Variants in IKZF4 observed in about 807,000 individuals in gnomAD.
IKZF4 encodes IKAROS family zinc finger 4, also known as zinc finger protein Eos.
IKZF4 carries 11 observed loss-of-function variants against 47.7 expected under a neutral mutation model. The observed-to-expected ratio is 0.23, with a 90% CI of 0.15 to 0.38. The LOEUF (loss-of-function observed/expected upper bound fraction) is 0.38. Among genes scored for constraint, IKZF4 ranks in the 10% least tolerant of loss-of-function variants. The probability of loss-of-function intolerance (pLI) is 1.00; values close to 1 mark genes in which losing one functional copy is unlikely to be tolerated. For synonymous variants in IKZF4, 298 were observed against 299.4 expected (o/e 1.00, Z 0.05); for missense variants, 557 against 784.9 (o/e 0.71, Z 3.47).
rs771240033 is a variant in IKZF4 at position 56,023,743 on chromosome 12, A to C, written c.160A>C (p.Met54Leu). ...PQAQDSNHFI[M>L]ESLFCESSGD... ...GGCCCAAGACTCCAACCATTTTATA[A>C]TGGAATCTTTATTTTGTGAAAGTAA... Residue 54 changes from methionine (M) to leucine (L), a missense_variant, in exon 2 of 8, where the codon ATG becomes CTG. Physicochemically the swap from Met to Leu is conservative, Grantham distance 15. This residue lies in a region of IKZF4 where 112 missense variants were observed against 168.2 expected (regional missense o/e 0.67). Transcript: ENST00000547167. 1.9e-6 allele frequency: 3 copies of C among 1,613,842 alleles called. No individual in the cohort carries two copies. The highest frequency in any genetic ancestry group is 2.5e-6 in the Non-Finnish European group (3 of 1,179,804).
chr12:56,020,487 A>G (rs1892708977), upstream of IKZF4, among the ~76,000 whole-genome samples: 1 of 152,194 alleles, frequency 6.6e-6, no homozygotes, highest in African/African-American at 2.4e-5. Context: ...TTTAGTAGAA[A>G]GGGATTCAGG....
At chr12:56,020,049 C>A (rs940507825), upstream of IKZF4, among the ~76,000 whole-genome samples, 6 of 152,268 alleles carry the variant, frequency 3.9e-5, no homozygotes, top group Non-Finnish European at 7.3e-5. Context: ...TGACCCATCT[C>A]TCCTGGAAGA....
At chr12:56,023,972 CTCTTTA>C in intron 2 of IKZF4, 1 of 952,088 alleles carries the variant, frequency 1.1e-6, no homozygotes, top group Non-Finnish European at 1.3e-6. Context: ...TAGGTATGTT[CTCTTTA>C]TATGTATCTA....
upstream of IKZF4, among the ~76,000 whole-genome samples, chr12:56,020,529 C>T (rs1892714273): frequency 6.6e-6 from 1 of 152,226 alleles, no homozygotes; most frequent in Admixed American, 6.5e-5. Context: ...CAGCCCCTCC[C>T]ACCCCCAAAT....
intron 2 of IKZF4, among the ~76,000 whole-genome samples, chr12:56,014,429 C>G (rs907303150): frequency 1.3e-5 from 2 of 152,202 alleles, no homozygotes; most frequent in African/African-American, 4.8e-5. Flanking sequence ...TGGTATGCTT[C>G]ACCTGTTCTA....
intron 1 of IKZF4, chr12:56,021,896 C>G (rs1268782166): frequency 7.2e-6 from 3 of 418,320 alleles, no homozygotes; most frequent in East Asian, 4.4e-5. Flanking sequence ...CGAGACAGGC[C>G]TGGGTGGGAA....
At chr12:56,028,509 G>A (rs1277781397) in intron 5 of IKZF4, among the ~76,000 whole-genome samples, 1 of 133,218 alleles carries the variant, frequency 7.5e-6, no homozygotes, top group Admixed American at 8.3e-5. Context: ...CTCTAGCCTG[G>A]GCGACTGAGC....
At chr12:56,009,155 CAT>C (rs1453320162) in intron 1 of IKZF4, among the ~76,000 whole-genome samples, 2 of 152,244 alleles carry the variant, frequency 1.3e-5, no homozygotes, top group East Asian at 1.9e-4. Flanking sequence ...GACATGCTCA[CAT>C]GTCAGCTTTA....
chr12:56,019,384 G>C, upstream of IKZF4: 1 of 984,918 alleles, frequency 1.0e-6, no homozygotes, highest in Non-Finnish European at 1.2e-6. Flanking sequence ...ACACACATAT[G>C]AGAGTCATTG....
intron 1 of IKZF4, among the ~76,000 whole-genome samples, chr12:56,009,050 T>G (rs1891047667): frequency 1.3e-5 from 2 of 152,172 alleles, no homozygotes; most frequent in Non-Finnish European, 2.9e-5. Context: ...GTTGTTACTC[T>G]TGTCAACCCT....
intron 1 of IKZF4, 184 bp downstream of exon 1, chr12:56,021,764 C>G (rs1282815204): frequency 5.6e-6 from 5 of 892,142 alleles, no homozygotes; most frequent in Non-Finnish European, 8.3e-6. Flanking sequence ...CTTATACTTG[C>G]GGAGGATGGG....
intron 7 of IKZF4, among the ~76,000 whole-genome samples, chr12:56,034,196 C>T (rs896384370): frequency 3.3e-5 from 5 of 152,130 alleles, no homozygotes; most frequent in Middle Eastern, 3.2e-3. Flanking sequence ...CCACCGCGCC[C>T]GGCCCGGGCT....
rs1895512901 is a variant in IKZF4 at position 56,035,047 on chromosome 12, C to T, written c.1474C>T (p.Pro492Ser). The T allele has an allele frequency of 1.9e-6, 3 of 1,576,154 alleles. No homozygotes were observed. Among genetic ancestry groups the T allele is most frequent in the East Asian group, 2.2e-5 (1 of 44,670 alleles). Residue 492 changes from proline (P) to serine (S), a missense_variant, in exon 8 of 8, where the codon CCT becomes TCT. Transcript: ENST00000547167. This position sits in a 1 kb window ranked among gnomAD's most constrained non-coding sequence, Gnocchi z 6.1. ...CACCATTGTGGTGGGCCGGCACAGT[C>T]CTGCCTACGCCAAAGAGGACCCCAA... ...PPTIVVGRHS[P>S]AYAKEDPKPQ...
At position 56,034,640 on chromosome 12, in the gene IKZF4, A is replaced by T; in HGVS notation, c.1067A>T (p.Asp356Val). ...YDVNSGGYEK[D>V]VELVAHHSLE... ...GTGAACTCGGGTGGCTATGAAAAGG[A>T]TGTGGAGTTGGTGGCACACCACAGC... The change falls in exon 8 of 8, where the codon GAT becomes GTT. Residue 356 changes from aspartate (D) to valine (V), a missense_variant. Physicochemically the swap from Asp to Val is radical, Grantham distance 152. Coordinates refer to ENST00000547167, the MANE Select transcript of IKZF4 (RefSeq NM_022465.4). 1 of 1,613,994 alleles carries T rather than the reference A, an allele frequency of 6.2e-7. No individual in the cohort carries two copies. Among genetic ancestry groups the T allele is most frequent in the South Asian group, 1.1e-5 (1 of 91,080 alleles).
At chr12:56,007,823 AGG>A (rs1280416704) in intron 1 of IKZF4, 3 of 47,574 alleles carry the variant, frequency 6.3e-5, no homozygotes, top group Non-Finnish European at 1.6e-4. Context: ...GGCGTGAAGG[AGG>A]GGGGAGACGT....
chr12:56,035,111 C>G lies in IKZF4; in HGVS notation c.1538C>G (p.Ser513Cys), dbSNP rs925969670. 1 of 1,612,222 alleles carries G rather than the reference C, an allele frequency of 6.2e-7. No homozygotes were observed. Among genetic ancestry groups the G allele is most frequent in the Non-Finnish European group, 8.5e-7 (1 of 1,178,872 alleles). The change falls in exon 8 of 8, where the codon TCC becomes TGC. Residue 513 changes from serine (S) to cysteine (C), a missense_variant. By Grantham distance (112) the Ser-to-Cys change is moderately radical. Around this residue, in one of 6 missense-constraint regions of IKZF4, gnomAD observed 280 missense variants for 314.0 expected, o/e 0.89. Transcript: ENST00000547167. This position sits in a 1 kb window ranked among gnomAD's most constrained non-coding sequence, Gnocchi z 6.1. ...TTATTGCGGGGCACCCCAGGCCCCT[C>G]CAAGGAAGTGCTTCGGGTGGTGGGC... is the stretch of plus-strand genomic sequence containing the variant. ...EGLLRGTPGP[S>C]KEVLRVVGES...
chr12:56,016,183 C>T (rs1463320427), upstream of IKZF4, among the ~76,000 whole-genome samples: 1 of 151,772 alleles, frequency 6.6e-6, no homozygotes, highest in Non-Finnish European at 1.5e-5. Context: ...GGCAGGAAAA[C>T]AGATACTTTA....
At chr12:56,028,998 GTCA>G (rs1169675514) in intron 5 of IKZF4, among the ~76,000 whole-genome samples, 3 of 152,072 alleles carry the variant, frequency 2.0e-5, no homozygotes, top group Admixed American at 6.6e-5. Flanking sequence ...CCCCACACCT[GTCA>G]TCATCTTCAC....
At chr12:56,021,741 G>A in intron 1 of IKZF4, 161 bp downstream of exon 1, 1 of 1,089,930 alleles carries the variant, frequency 9.2e-7, no homozygotes, top group Admixed American at 2.6e-5. Context: ...TAGCGGGGGA[G>A]GGGGCGTTCC....
Sources: gnomAD v4.1 joint callset for allele counts (sites outside exome capture counted in the v4.1 genomes callset) on GRCh38, gnomAD v4.1.1 for gene constraint, gnomAD v4.1.1 regional missense constraint, Gnocchi (gnomAD v3.1) non-coding constraint, MANE v1.5 for transcripts, NCBI Gene and HGNC (gene_info 2026-07-23, HGNC 2026-07-21) for gene names.